The following OPN5 variants were observed in gnomAD, a reference collection of about 807,000 sequenced individuals.
OPN5 encodes the protein opsin 5.
OPN5 carries 18 observed loss-of-function variants against 41.7 expected under a neutral mutation model. The observed-to-expected ratio is 0.43, with a 90% CI of 0.30 to 0.64. The LOEUF (loss-of-function observed/expected upper bound fraction) is 0.64, where lower values mean the gene tolerates loss of function less well. Among genes scored for constraint, OPN5 ranks in the 30% least tolerant of loss-of-function variants. The pLI is 0.13. For synonymous variants in OPN5, 178 were observed against 164.3 expected, an observed-to-expected ratio of 1.08 and a Z score of -0.64; for missense variants, 318 against 434.5, an observed-to-expected ratio of 0.73 and a Z score of 2.38.
At chr6:47,797,700 A>G (rs1363654044) in intron 4 of OPN5, among the ~76,000 whole-genome samples, 1 of 152,186 alleles carries the variant, frequency 6.6e-6, no homozygotes, top group Non-Finnish European at 1.5e-5. Context: ...TCTTCTTGCC[A>G]TCCCCCTCAC....
At chr6:47,813,644 G>T (rs1041465502) in intron 6 of OPN5, among the ~76,000 whole-genome samples, 1 of 152,282 alleles carries the variant, frequency 6.6e-6, no homozygotes, top group African/African-American at 2.4e-5. Context: ...AAGGTGGATT[G>T]TCTGCATGAG....
At chr6:47,791,960 T>G in exon 3 of OPN5, 1 of 1,613,120 alleles carries the variant, frequency 6.2e-7, no homozygotes, top group Non-Finnish European at 8.5e-7. Context: ...GAAAATCTGC[T>G]ATTTATCTTA....
At chr6:47,808,385 G>C (rs1486776541) in exon 5 of OPN5, 1 of 1,614,030 alleles carries the variant, frequency 6.2e-7, no homozygotes, top group Non-Finnish European at 8.5e-7. Context: ...GAAGTCTCTG[G>C]AAGGCTTCAG....
At chr6:47,801,328 G>A (rs539978559) in intron 4 of OPN5, among the ~76,000 whole-genome samples, 88 of 152,272 alleles carry the variant, frequency 5.8e-4, no homozygotes, top group African/African-American at 2.0e-3. Context: ...TGGCTCTAGG[G>A]CCTCTGTTTC....
chr6:47,799,997 G>A (rs1773709348), intron 4 of OPN5, among the ~76,000 whole-genome samples: 1 of 151,936 alleles, frequency 6.6e-6, no homozygotes, highest in Non-Finnish European at 1.5e-5. Context: ...TCTCTCCTGG[G>A]AGTTTCAAAT....
chr6:47,790,599 T>C (rs893085526), intron 2 of OPN5, among the ~76,000 whole-genome samples: 1 of 152,226 alleles, frequency 6.6e-6, no homozygotes, highest in African/African-American at 2.4e-5. Flanking sequence ...AACAAGGTAA[T>C]AGTAAAAGAC....
chr6:47,789,541 C>A (rs1315375032), intron 2 of OPN5, among the ~76,000 whole-genome samples: 2 of 151,974 alleles, frequency 1.3e-5, no homozygotes, highest in Non-Finnish European at 2.9e-5. Context: ...GGAAAAAAAC[C>A]CCACAAACCT....
intron 6 of OPN5, among the ~76,000 whole-genome samples, chr6:47,818,206 G>GA (rs1040217900): frequency 6.6e-6 from 1 of 152,102 alleles, no homozygotes; most frequent in Non-Finnish European, 1.5e-5. Context: ...GTTAGAGGGG[G>GA]AAAAAGCACC....
intron 6 of OPN5, among the ~76,000 whole-genome samples, chr6:47,817,237 G>C (rs1013206403): frequency 3.9e-5 from 6 of 152,074 alleles, no homozygotes; most frequent in African/African-American, 1.4e-4. Context: ...TAGCTTTCAT[G>C]AAAGGGTTGA....
chr6:47,813,997 TA>T (rs1398140683), intron 6 of OPN5, among the ~76,000 whole-genome samples: 3 of 152,100 alleles, frequency 2.0e-5, no homozygotes, highest in African/African-American at 7.2e-5. Flanking sequence ...AACCGGTAGT[TA>T]AAAATAATCT....
Position 47,802,322 on chromosome 6 carries a change from C to T in OPN5, c.757-5832C>T, listed in dbSNP as rs577832825. Reference sequence around the variant, plus strand: ...GGTAGCATTTCTCTCTGCTTGATCTCAATGTAAACTGCAGCTTCCCAGTGT... The same window carrying T: ...GGTAGCATTTCTCTCTGCTTGATCTTAATGTAAACTGCAGCTTCCCAGTGT... On this transcript the variant is annotated intron_variant, in intron 4 of 6. Transcript: ENST00000371211. 1.3e-5 allele frequency among the ~76,000 whole-genome samples: 2 copies of T among 152,214 alleles called. 1 individual carries two copies. The highest frequency in any genetic ancestry group is 3.9e-4 in the East Asian group (2 of 5,178).
intron 2 of OPN5, among the ~76,000 whole-genome samples, chr6:47,786,848 T>C (rs569762169): frequency 6.6e-6 from 1 of 152,324 alleles, no homozygotes; most frequent in East Asian, 1.9e-4. Context: ...GTCTTTTCTG[T>C]GTGTCAGGCA....
intron 4 of OPN5, among the ~76,000 whole-genome samples, chr6:47,796,470 T>C (rs1251223831): frequency 6.6e-6 from 1 of 152,194 alleles, no homozygotes; most frequent in Admixed American, 6.5e-5. Context: ...ATGCCATCAA[T>C]ATAAATGACA....
At chr6:47,792,008 A>T in intron 3 of OPN5, 36 bp downstream of exon 3, 1 of 1,503,264 alleles carries the variant, frequency 6.7e-7, no homozygotes, top group Non-Finnish European at 9.2e-7. Flanking sequence ...TGACAGTTAA[A>T]GCTAGGTGGA....
exon 3 of OPN5, chr6:47,791,888 G>A: frequency 6.2e-7 from 1 of 1,614,032 alleles, no homozygotes; most frequent in Non-Finnish European, 8.5e-7. Context: ...TGGATGGGCT[G>A]GATTTTTCTT....
chr6:47,783,853 G>A (rs962088627), intron 1 of OPN5, among the ~76,000 whole-genome samples: 1 of 152,128 alleles, frequency 6.6e-6, no homozygotes, highest in Non-Finnish European at 1.5e-5. Context: ...ATTTAGCATA[G>A]CTCCATCACT....
At chr6:47,815,634 G>C (rs1051874221) in intron 6 of OPN5, among the ~76,000 whole-genome samples, 1 of 152,048 alleles carries the variant, frequency 6.6e-6, no homozygotes, top group Non-Finnish European at 1.5e-5. Context: ...GAGGTCAAAG[G>C]GTTGACCATT....
At chr6:47,790,391 C>A (rs772399410) in intron 2 of OPN5, among the ~76,000 whole-genome samples, 1 of 151,668 alleles carries the variant, frequency 6.6e-6, no homozygotes, top group Non-Finnish European at 1.5e-5. Context: ...CTTCAGGGGA[C>A]ACTCTCTCTC....
chr6:47,805,827 TG>T (rs1342008480), intron 4 of OPN5, among the ~76,000 whole-genome samples: 1 of 152,166 alleles, frequency 6.6e-6, no homozygotes, highest in Non-Finnish European at 1.5e-5. Context: ...ACCCTGATGT[TG>T]GGAATTGTTA....
Sources: gnomAD v4.1 joint callset for allele counts (sites outside exome capture counted in the v4.1 genomes callset) on GRCh38, gnomAD v4.1.1 for gene constraint, MANE v1.5 for transcripts, NCBI Gene and HGNC (gene_info 2026-07-23, HGNC 2026-07-21) for gene names.